Variants in GPLD1 observed in about 807,000 individuals in gnomAD.
GPLD1 encodes the protein glycosylphosphatidylinositol specific phospholipase D1.
In GPLD1, 84 loss-of-function variants were observed where a neutral mutation model predicts 112.6. The observed-to-expected ratio is 0.75, with a 90% confidence interval of 0.63 to 0.89. The LOEUF (loss-of-function observed/expected upper bound fraction) is 0.89, where lower values mean the gene tolerates loss of function less well. Among genes scored for constraint, GPLD1 ranks in the 40% least tolerant of loss-of-function variants. The pLI is 0.00. For missense variants in GPLD1, 1,044 were observed against 1,051.5 expected, an observed-to-expected ratio of 0.99 and a Z score of 0.10; for synonymous variants, 386 against 403.8, an observed-to-expected ratio of 0.96 and a Z score of 0.53.
intron 11 of GPLD1, among the ~76,000 whole-genome samples, chr6:24,462,280 ACAC>A (rs1251463832): frequency 6.6e-6 from 1 of 151,926 alleles, no homozygotes; most frequent in Non-Finnish European, 1.5e-5. Context: ...CTACAGGCAC[ACAC>A]CACCATACCT....
At chr6:24,439,637 T>C (rs1762682723) in intron 20 of GPLD1, among the ~76,000 whole-genome samples, 1 of 152,160 alleles carries the variant, frequency 6.6e-6, no homozygotes, top group Admixed American at 6.5e-5. Context: ...TTCTCAATCA[T>C]GCAAATTAAA....
intron 22 of GPLD1, among the ~76,000 whole-genome samples, chr6:24,433,751 T>C (rs1762483523): frequency 6.6e-6 from 1 of 152,066 alleles, no homozygotes; most frequent in African/African-American, 2.4e-5. Context: ...CACCTCAGCC[T>C]CCCAAAGTGC....
At chr6:24,484,887 G>T (rs1272489644) in intron 2 of GPLD1, among the ~76,000 whole-genome samples, 1 of 152,206 alleles carries the variant, frequency 6.6e-6, no homozygotes, top group African/African-American at 2.4e-5. Context: ...AATGGATTAT[G>T]AAGACTTAAT....
intron 20 of GPLD1, among the ~76,000 whole-genome samples, chr6:24,441,467 GA>G (rs1762744452): frequency 6.6e-6 from 1 of 152,116 alleles, no homozygotes; most frequent in African/African-American, 2.4e-5. Flanking sequence ...GACACCACAC[GA>G]ACTACTGGGT....
At chr6:24,482,981 CAA>C (rs1014048285) in intron 2 of GPLD1, among the ~76,000 whole-genome samples, 1 of 151,956 alleles carries the variant, frequency 6.6e-6, no homozygotes, top group Admixed American at 6.6e-5. Context: ...AGAAACAAAA[CAA>C]AAATAGTATG....
In GPLD1 at chr6:24,437,231, G is replaced by A. The variant is rs769631465; in HGVS notation, c.2079C>T (p.Arg693=). The A allele has an allele frequency of 1.9e-6, 3 of 1,613,998 alleles. No homozygotes were observed. The highest frequency in any genetic ancestry group is 1.7e-6 in the Non-Finnish European group (2 of 1,179,956). ...GCGCGTCAGATGTGAGTGCGTACAT[G>A]CGAGTGGCTCCGCCTTGGTGTAGGG... ...TVTLHQGGAT[R]MYALTSDAQP... is the part of the protein sequence containing the mutation. The change falls in exon 21 of 25, where the codon CGC becomes CGT. Residue 693 remains arginine (R), a synonymous_variant. Transcript: ENST00000230036.
chr6:24,491,378 C>T (rs1764555111), upstream of GPLD1, among the ~76,000 whole-genome samples: 1 of 152,094 alleles, frequency 6.6e-6, no homozygotes, highest in South Asian at 2.1e-4. Flanking sequence ...ATATATAATA[C>T]AACAAACCCA....
intron 7 of GPLD1, among the ~76,000 whole-genome samples, chr6:24,472,134 A>G (rs1763846160): frequency 6.6e-6 from 1 of 152,208 alleles, no homozygotes; most frequent in Admixed American, 6.6e-5. Context: ...TAGACTGAAA[A>G]CTGGAAAAAG....
chr6:24,424,266 A>G (rs1333401485), downstream of GPLD1: 1 of 151,420 alleles, frequency 6.6e-6, no homozygotes, highest in Non-Finnish European at 1.5e-5. Flanking sequence ...TAATATCACC[A>G]TTGTATGGAT....
At chr6:24,453,706 G>GTGTGTGTGTA (rs1554131059) in intron 14 of GPLD1, among the ~76,000 whole-genome samples, 1 of 82,208 alleles carries the variant, frequency 1.2e-5, no homozygotes, top group African/African-American at 2.9e-5. Context: ...TTTCGTGTGT[G>GTGTGTGTGTA]TGTGTGTGTG....
chr6:24,481,189 C>T (rs1470094049), intron 2 of GPLD1, among the ~76,000 whole-genome samples: 1 of 152,210 alleles, frequency 6.6e-6, no homozygotes, highest in Non-Finnish European at 1.5e-5. Context: ...GGCCTAGAGC[C>T]TGCTCCTGCA....
intron 24 of GPLD1, among the ~76,000 whole-genome samples, chr6:24,429,811 G>A (rs996295050): frequency 6.6e-6 from 1 of 152,188 alleles, no homozygotes; most frequent in African/African-American, 2.4e-5. Context: ...GCTTCCCAAA[G>A]TGCTGAAATT....
At chr6:24,461,244 C>A (rs894817822) in intron 11 of GPLD1, among the ~76,000 whole-genome samples, 4 of 151,684 alleles carry the variant, frequency 2.6e-5, no homozygotes, top group Non-Finnish European at 5.9e-5. Flanking sequence ...AGGGTTCTGG[C>A]AACCCCAAGA....
At position 24,466,917 on chromosome 6, in the gene GPLD1, A is replaced by G. The variant is rs200229204; in HGVS notation, c.676T>C (p.Ser226Pro). Residue 226 changes from serine (S) to proline (P), a missense_variant, in exon 9 of 25, where the codon TCC becomes CCC. Physicochemically the swap from Ser to Pro is moderately conservative, Grantham distance 74. Coordinates refer to ENST00000230036, the MANE Select transcript of GPLD1 (RefSeq NM_001503.4). ...TGGAAGAATGACGCCTTTACCTTGGAAACAGCTAGCATCTCACCATACCTG... is the reference window on the plus strand; with the variant it reads ...TGGAAGAATGACGCCTTTACCTTGGGAACAGCTAGCATCTCACCATACCTG... ...LEMYGEMLAV[S>P]KLYPTYSTKS... 49 of 1,611,436 alleles carry G rather than the reference A, an allele frequency of 3.0e-5. No individual in the cohort carries two copies. The East Asian group carries it at 1.0e-3, about 34-fold the overall frequency.
At chr6:24,442,031 CATTTAT>C (rs1264939430) in intron 20 of GPLD1, among the ~76,000 whole-genome samples, 1 of 147,726 alleles carries the variant, frequency 6.8e-6, no homozygotes, top group African/African-American at 2.5e-5. Context: ...ATATTATATA[CATTTAT>C]ATTATATATT....
At chr6:24,490,163 C>T (rs1176360535), upstream of GPLD1, among the ~76,000 whole-genome samples, 1 of 152,186 alleles carries the variant, frequency 6.6e-6, no homozygotes, top group Non-Finnish European at 1.5e-5. Context: ...GAGCCTGTTG[C>T]AAGGTCAGAT....
Position 24,448,202 on chromosome 6 carries a change from C to A in GPLD1, c.1453G>T (p.Val485Leu), listed in dbSNP as rs765558493. Residue 485 changes from valine (V) to leucine (L), a missense_variant, in exon 16 of 25, where the codon GTG becomes TTG. By Grantham distance (32) the Val-to-Leu change is conservative. Coordinates refer to ENST00000230036, the MANE Select transcript of GPLD1 (RefSeq NM_001503.4). ...TGTTTGGAACCAAAGTAGACATACA[C>A]GGCACCCTAGATAAGGACAAACAGC... Reference protein sequence around the residue: ...GSEQLTYKGAVYVYFGSKQGG... With the variant: ...GSEQLTYKGALYVYFGSKQGG... 2.5e-6 allele frequency: 4 copies of A among 1,602,486 alleles called. No individual in the cohort carries two copies. Among genetic ancestry groups the A allele is most frequent in the Non-Finnish European group, 1.7e-6 (2 of 1,173,760 alleles).
intron 1 of GPLD1, chr6:24,494,887 T>TC: frequency 8.5e-7 from 1 of 1,171,748 alleles, no homozygotes; most frequent in South Asian, 4.1e-5. Context: ...TCCCACGCTT[T>TC]CCCCGCGCGT....
Position 24,445,611 on chromosome 6 carries a change from G to A in GPLD1, c.1955C>T (p.Ser652Phe). ...KAMGKLGTSL[S>F]SGHVLMNGTL... is the part of the protein sequence containing the mutation. ...CCCATTCATCAGTACGTGGCCACTGGAAAGGGAAGTACCCAGTTTCCCCAT... is the reference window on the plus strand; with the variant it reads ...CCCATTCATCAGTACGTGGCCACTGAAAAGGGAAGTACCCAGTTTCCCCAT... Residue 652 changes from serine (S) to phenylalanine (F), a missense_variant, in exon 20 of 25, where the codon TCC (serine) becomes TTC (phenylalanine). By Grantham distance (155) the Ser-to-Phe change is radical (BLOSUM62 -2). Coordinates refer to ENST00000230036, the MANE Select transcript of GPLD1 (RefSeq NM_001503.4). 1 of 1,613,904 alleles carries A rather than the reference G, an allele frequency of 6.2e-7. No individual in the cohort carries two copies. Among genetic ancestry groups the A allele is most frequent in the Non-Finnish European group, 8.5e-7 (1 of 1,179,832 alleles).
Sources: gnomAD v4.1 joint callset for allele counts (sites outside exome capture counted in the v4.1 genomes callset) on GRCh38, gnomAD v4.1.1 for gene constraint, MANE v1.5 for transcripts, NCBI Gene and HGNC (gene_info 2026-07-23, HGNC 2026-07-21) for gene names.